ZNF260: variants seen among roughly 807,000 people sequenced by gnomAD.
ZNF260 encodes the protein zinc finger protein 260, also known as zfp-260.
ZNF260 carries 21 observed loss-of-function variants against 29.3 expected under a neutral mutation model. The ratio of observed to expected loss-of-function variants is 0.72; its 90% CI spans 0.51 to 1.03. The LOEUF (loss-of-function observed/expected upper bound fraction) is 1.03, where lower values mean the gene tolerates loss of function less well. ZNF260 is among the 50% of genes least tolerant of loss of function. The probability of loss-of-function intolerance (pLI) is 0.00; values close to 1 mark genes in which losing one functional copy is unlikely to be tolerated. For synonymous variants in ZNF260, 156 were observed against 156.8 expected (o/e 0.99, Z 0.04); for missense variants, 465 against 487.8 (o/e 0.95, Z 0.44).
At position 36,513,995 on chromosome 19, in the gene ZNF260, G is replaced by A; in HGVS notation, c.*5C>T. 6.2e-7 allele frequency: 1 copy of A among 1,603,732 alleles called. No homozygotes were observed. The highest frequency in any genetic ancestry group is 1.7e-4 in the Middle Eastern group (1 of 5,990). On this transcript the variant is annotated 3_prime_UTR_variant, in exon 3 of 3. Transcript: ENST00000523638. The stretch of plus-strand genomic sequence containing the variant: ...TTGCTAAATCCAAGGCATTCATAGA[G>A]AACTTTAATGAGTATGAATTCTCTG...
In ZNF260 at chr19:36,514,448, G is replaced by C. The variant is rs2034507617; in HGVS notation, c.791C>G (p.Thr264Arg). ...TCCAATATGAATTTTCTCATGCTCT[G>C]TGAGATTTGACTTGCCACTGAAGGC... ...GKAFSGKSNL[T>R]EHEKIHIGEK... The change falls in exon 3 of 3, where the codon ACA becomes AGA. Residue 264 changes from threonine to arginine, a missense_variant. By Grantham distance (71) the Thr-to-Arg change is moderately conservative. Coordinates refer to ENST00000523638, the MANE Select transcript of ZNF260 (RefSeq NM_001166037.2). The C allele has an allele frequency of 1.9e-6, 3 of 1,613,788 alleles. No individual in the cohort carries two copies. The highest frequency in any genetic ancestry group is 1.7e-5 in the Admixed American group (1 of 59,990).
intron 2 of ZNF260, among the ~76,000 whole-genome samples, chr19:36,524,061 G>C (rs999880572): frequency 6.6e-6 from 1 of 152,044 alleles, no homozygotes; most frequent in African/African-American, 2.4e-5. Context: ...TATAACAATG[G>C]AAGGAGAAAG....
intron 2 of ZNF260, among the ~76,000 whole-genome samples, chr19:36,516,025 C>T (rs1009663413): frequency 6.6e-6 from 1 of 152,042 alleles, no homozygotes; most frequent in Non-Finnish European, 1.5e-5. Context: ...GAGCCCGCCA[C>T]CATGCCTGGC....
intron 2 of ZNF260, among the ~76,000 whole-genome samples, chr19:36,520,379 A>G (rs1419312692): frequency 1.3e-5 from 2 of 152,218 alleles, no homozygotes; most frequent in African/African-American, 4.8e-5. Context: ...GGAAATAACT[A>G]TAGATAGAAA....
At chr19:36,522,951 A>AT (rs1568554720) in intron 2 of ZNF260, among the ~76,000 whole-genome samples, 1 of 152,194 alleles carries the variant, frequency 6.6e-6, no homozygotes, top group East Asian at 1.9e-4. Context: ...ATTGCTTTAC[A>AT]TATCATGAAT....
chr19:36,528,112 C>G (rs1382510219), intron 1 of ZNF260, 107 bp downstream of exon 1: 2 of 152,172 alleles, frequency 1.3e-5, no homozygotes, highest in Non-Finnish European at 2.9e-5. Context: ...TTCCTCCCCT[C>G]CATACTCCCA....
chr19:36,522,628 A>T (rs2034665239), intron 2 of ZNF260, among the ~76,000 whole-genome samples: 1 of 152,128 alleles, frequency 6.6e-6, no homozygotes, highest in Admixed American at 6.5e-5. Flanking sequence ...CAAAGACTTA[A>T]ATATTAACCA....
chr19:36,527,373 G>A (rs904754320), intron 1 of ZNF260, among the ~76,000 whole-genome samples: 1 of 152,156 alleles, frequency 6.6e-6, no homozygotes, highest in Non-Finnish European at 1.5e-5. Flanking sequence ...AGTGTGACAA[G>A]ATACTTGAAT....
chr19:36,517,620 T>C (rs963699950), intron 2 of ZNF260, among the ~76,000 whole-genome samples: 2 of 152,000 alleles, frequency 1.3e-5, no homozygotes, highest in African/African-American at 4.8e-5. Flanking sequence ...TGCCCTGAAC[T>C]CTCCTAGCTG....
rs1183961969 is a variant in ZNF260, at chr19:36,514,698, T to C, written c.541A>G (p.Lys181Glu). Residue 181 changes from lysine (K) to glutamate (E), a missense_variant, in exon 3 of 3, where the codon AAA becomes GAA. By Grantham distance (56) the Lys-to-Glu change is moderately conservative. Transcript: ENST00000523638. ...RAFSQKQYLI[K>E]HQNIHTGKKP... Reference sequence around the variant, plus strand: ...TTTCCAGTATGGATGTTCTGATGTTTAATGAGGTATTGCTTCTGGCTGAAG... The same window carrying C: ...TTTCCAGTATGGATGTTCTGATGTTCAATGAGGTATTGCTTCTGGCTGAAG... The C allele has an allele frequency of 1.2e-6, 2 of 1,613,884 alleles. No individual in the cohort carries two copies. Among genetic ancestry groups the C allele is most frequent in the African/African-American group, 1.3e-5 (1 of 74,930 alleles).
intron 2 of ZNF260, among the ~76,000 whole-genome samples, chr19:36,522,673 T>C (rs2145753788): frequency 6.6e-6 from 1 of 152,316 alleles, no homozygotes; most frequent in Non-Finnish European, 1.5e-5. Flanking sequence ...GCTGAACTCC[T>C]GTCCTAGAGT....
At chr19:36,527,066 T>A (rs1359415103) in intron 1 of ZNF260, among the ~76,000 whole-genome samples, 2 of 152,176 alleles carry the variant, frequency 1.3e-5, no homozygotes, top group Non-Finnish European at 2.9e-5. Context: ...TCCCTGTAAC[T>A]TCCAGGTGGA....
Position 36,514,916 on chromosome 19 carries a change from T to C in ZNF260, c.323A>G (p.Glu108Gly), listed in dbSNP as rs375496348. ...FLSHQKHHTG[E>G]KPYECEKVSI... ...AACTTTTTCACATTCATAAGGTTTCTCTCCAGTGTGATGTTTCTGATGAGA... is the reference window on the plus strand; with the variant it reads ...AACTTTTTCACATTCATAAGGTTTCCCTCCAGTGTGATGTTTCTGATGAGA... Residue 108 changes from glutamate to glycine, a missense_variant, in exon 3 of 3, where the codon GAG becomes GGG. Glu to Gly is a moderately conservative substitution (Grantham distance 98). Transcript: ENST00000523638. 47 of 1,614,178 alleles carry C rather than the reference T, an allele frequency of 2.9e-5. No homozygotes were observed. Among genetic ancestry groups the C allele is most frequent in the Middle Eastern group, 1.7e-4 (1 of 6,060 alleles).
chr19:36,515,332 T>C lies in ZNF260; in HGVS notation c.-94A>G. ...CATTCACTAAATTCATATGGTGTATTTTCAATATTAATTCTCAGGTATCTA... is the reference window on the plus strand; with the variant it reads ...CATTCACTAAATTCATATGGTGTATCTTCAATATTAATTCTCAGGTATCTA... On this transcript the variant is annotated 5_prime_UTR_variant, in exon 3 of 3. Transcript: ENST00000523638. 1 of 1,279,078 alleles carries C rather than the reference T, an allele frequency of 7.8e-7. No individual in the cohort carries two copies. The highest frequency in any genetic ancestry group is 1.0e-6 in the Non-Finnish European group (1 of 957,646). The allele number at this position is 1,279,078 out of a possible 1,614,324, so 79.2% of individuals were successfully genotyped here.
intron 2 of ZNF260, chr19:36,517,460 GA>G (rs2034570780): frequency 6.6e-6 from 1 of 152,096 alleles, no homozygotes. Flanking sequence ...ATTAACAGCA[GA>G]ACTGAGTGGT....
intron 2 of ZNF260, among the ~76,000 whole-genome samples, chr19:36,523,599 T>C (rs1392766411): frequency 6.7e-6 from 1 of 148,874 alleles, no homozygotes; most frequent in Non-Finnish European, 1.5e-5. Flanking sequence ...TTTTTTGAGA[T>C]GGGAGTCTCA....
In ZNF260 at chr19:36,512,604, T is replaced by G. The variant is rs1011676810; in HGVS notation, c.*1396A>C. The G allele has an allele frequency of 6.7e-6, 1 of 149,930 alleles. No homozygotes were observed. Among genetic ancestry groups the G allele is most frequent in the Non-Finnish European group, 1.5e-5 (1 of 67,566 alleles). 9.3% of individuals were successfully genotyped at this position (149,930 alleles called of 1,614,324 possible). A position where few individuals can be genotyped will look rare whatever the true frequency, so the allele number is the denominator to read the frequency against. ...TCTTTAGTTTTACATAATTTATCCA[T>G]AACCAATTCTTAGTACTAGGGCTGG... On this transcript the variant is annotated 3_prime_UTR_variant, in exon 3 of 3. Coordinates refer to ENST00000523638, the MANE Select transcript of ZNF260 (RefSeq NM_001166037.2).
Position 36,520,810 on chromosome 19 carries a change from A to C in ZNF260, c.-462+4345T>G, listed in dbSNP as rs371542097. Reference sequence around the variant, plus strand: ...GGGAGGCAGAGGTTGCAGTGAGCTGAGATCGCCCCACTGCACCCCAGCCTG... The same window carrying C: ...GGGAGGCAGAGGTTGCAGTGAGCTGCGATCGCCCCACTGCACCCCAGCCTG... On this transcript the variant is annotated intron_variant, in intron 2 of 2. Transcript: ENST00000523638. Among the ~76,000 whole-genome samples, 6 of 147,668 alleles carry C rather than the reference A, an allele frequency of 4.1e-5. 1 individual carries two copies. Among genetic ancestry groups the C allele is most frequent in the African/African-American group, 1.5e-4 (6 of 40,180 alleles).
chr19:36,525,494 C>G, intron 1 of ZNF260, 121 bp from the exon 2 acceptor site: 1 of 152,160 alleles, frequency 6.6e-6, no homozygotes, highest in Admixed American at 6.6e-5. Context: ...AAAAGCTCTA[C>G]ACATTTCAAT....
Sources: allele counts gnomAD v4.1 joint callset (sites outside exome capture counted in the v4.1 genomes callset), GRCh38; gene constraint gnomAD v4.1.1; transcripts MANE v1.5; gene names NCBI Gene and HGNC (gene_info 2026-07-23, HGNC 2026-07-21).